Variants in AUTS2 observed in about 807,000 individuals in gnomAD.
AUTS2 encodes activator of transcription and developmental regulator AUTS2.
Under a neutral mutation model 112.4 loss-of-function variants are expected in AUTS2, and 17 were observed. The observed-to-expected ratio is 0.15, with a 90% confidence interval of 0.10 to 0.23. The LOEUF (loss-of-function observed/expected upper bound fraction) is 0.23. Among genes scored for constraint, AUTS2 ranks in the 10% least tolerant of loss-of-function variants. AUTS2 has a pLI of 1.00. For synonymous variants in AUTS2, 751 were observed against 702.7 expected (o/e 1.07, Z -1.09); for missense variants, 1,510 against 1,701.6 (o/e 0.89, Z 1.98).
intron 4 of AUTS2, among the ~76,000 whole-genome samples, chr7:70,283,069 G>A (rs1018503511): frequency 2.0e-5 from 3 of 152,112 alleles, no homozygotes; most frequent in Non-Finnish European, 4.4e-5. Context: ...AGATGGATTT[G>A]GAATCCTGAA....
chr7:69,939,810 T>TA (rs956672700), intron 2 of AUTS2, among the ~76,000 whole-genome samples: 1 of 152,222 alleles, frequency 6.6e-6, no homozygotes, highest in African/African-American at 2.4e-5. Context: ...TGGCATTTTT[T>TA]ACAGCTTCAT....
chr7:70,427,840 A>G (rs1795497174), intron 4 of AUTS2, among the ~76,000 whole-genome samples: 2 of 152,214 alleles, frequency 1.3e-5, no homozygotes, highest in South Asian at 4.1e-4. Context: ...AGAACTTGCA[A>G]AAATGTCAGA....
At chr7:70,682,915 C>T (rs540854859) in intron 5 of AUTS2, among the ~76,000 whole-genome samples, 65 of 152,358 alleles carry the variant, frequency 4.3e-4, no homozygotes, top group African/African-American at 1.5e-3. Context: ...TGTGGTACTG[C>T]TTGGGCATCC....
intron 4 of AUTS2, among the ~76,000 whole-genome samples, chr7:70,235,657 TC>T (rs1562809226): frequency 6.6e-6 from 1 of 151,934 alleles, no homozygotes; most frequent in African/African-American, 2.4e-5. Context: ...TCTTTTCTTT[TC>T]TTTTTTTTTT....
intron 5 of AUTS2, among the ~76,000 whole-genome samples, chr7:70,460,715 T>C (rs1039697098): frequency 1.3e-5 from 2 of 152,172 alleles, no homozygotes; most frequent in Non-Finnish European, 2.9e-5. Context: ...CTGGCACTTA[T>C]CAGCCCTGAG....
chr7:70,243,245 G>GTA (rs1812720839), intron 4 of AUTS2, among the ~76,000 whole-genome samples: 1 of 143,756 alleles, frequency 7.0e-6, no homozygotes, highest in Non-Finnish European at 1.5e-5. Context: ...GTGTGTGTGT[G>GTA]TGTGTGTGTG....
intron 1 of AUTS2, among the ~76,000 whole-genome samples, chr7:69,665,871 T>C (rs1796009057): frequency 6.6e-6 from 1 of 152,200 alleles, no homozygotes; most frequent in South Asian, 2.1e-4. Flanking sequence ...TTCTTCAGGC[T>C]CTCTTGATTT....
chr7:70,485,257 A>G (rs1562984927), intron 5 of AUTS2, among the ~76,000 whole-genome samples: 1 of 152,226 alleles, frequency 6.6e-6, no homozygotes, highest in Non-Finnish European at 1.5e-5. Context: ...ACAAGTGGAT[A>G]AAGAAAATGT....
intron 1 of AUTS2, among the ~76,000 whole-genome samples, chr7:69,628,643 A>C (rs1307484420): frequency 6.6e-6 from 1 of 152,196 alleles, no homozygotes; most frequent in African/African-American, 2.4e-5. Flanking sequence ...AAGGGGAAGC[A>C]GGCGTGTCTT....
intron 5 of AUTS2, among the ~76,000 whole-genome samples, chr7:70,441,158 C>A (rs1425384456): frequency 6.6e-6 from 1 of 152,064 alleles, no homozygotes; most frequent in Non-Finnish European, 1.5e-5. Flanking sequence ...AGAAATGAAT[C>A]CTTCTCCTTT....
intron 4 of AUTS2, among the ~76,000 whole-genome samples, chr7:70,263,654 A>G (rs1313920300): frequency 5.3e-5 from 8 of 152,190 alleles, no homozygotes; most frequent in African/African-American, 1.7e-4. Flanking sequence ...CAAATTTTGC[A>G]TTTAGATTAA....
chr7:69,902,333 C>A (rs1384282418), intron 2 of AUTS2, among the ~76,000 whole-genome samples: 2 of 152,220 alleles, frequency 1.3e-5, no homozygotes, highest in Non-Finnish European at 1.5e-5. Flanking sequence ...ATTACTTTAT[C>A]GCCTGCGTTT....
chr7:69,925,284 C>T (rs1022349076), intron 2 of AUTS2, among the ~76,000 whole-genome samples: 8 of 152,056 alleles, frequency 5.3e-5, no homozygotes, highest in African/African-American at 1.9e-4. Flanking sequence ...TTTCTGCTTA[C>T]TTTAGTTTTA....
intron 4 of AUTS2, among the ~76,000 whole-genome samples, chr7:70,243,783 C>G (rs1193225730): frequency 6.6e-6 from 1 of 152,070 alleles, no homozygotes; most frequent in African/African-American, 2.4e-5. Context: ...AATCTTTTCT[C>G]TATTCATGAC....
chr7:70,454,110 G>A (rs1796637358), intron 5 of AUTS2, among the ~76,000 whole-genome samples: 1 of 152,172 alleles, frequency 6.6e-6, no homozygotes, highest in East Asian at 1.9e-4. Context: ...ATAGTTTGTG[G>A]GTGGTCGAAG....
At chr7:70,304,408 C>G (rs950958770) in intron 4 of AUTS2, among the ~76,000 whole-genome samples, 1 of 152,184 alleles carries the variant, frequency 6.6e-6, no homozygotes, top group South Asian at 2.1e-4. Context: ...CTCAAAGTAT[C>G]CCAGTGGAGC....
rs1016379051 is a variant in AUTS2, at chr7:70,154,351, G to C, written c.660+19780G>C. Among the ~76,000 whole-genome samples, 3 of 152,172 alleles carry C rather than the reference G, an allele frequency of 2.0e-5. No individual in the cohort carries two copies. The East Asian group carries it at 5.8e-4, about 29-fold the overall frequency. ...TTTTTTCCTTTGACTTGTGTGGAAG[G>C]AATTCAGTGAGGGGTTGACCAGATC... On this transcript the variant is annotated intron_variant, in intron 4 of 18. Coordinates refer to ENST00000342771, the MANE Select transcript of AUTS2 (RefSeq NM_015570.4).
intron 4 of AUTS2, chr7:70,293,211 G>A (rs1788786868): frequency 6.6e-6 from 1 of 152,154 alleles, no homozygotes; most frequent in South Asian, 2.1e-4. Context: ...TTTCTTCCCA[G>A]TGCCTTTGTA....
Position 70,517,295 on chromosome 7 carries a change from TG to T in AUTS2, c.690+81516del, listed in dbSNP as rs1410758327. 2.6e-5 allele frequency among the ~76,000 whole-genome samples: 4 copies of T among 152,258 alleles called. No individual in the cohort carries two copies. In the East Asian group the frequency reaches 5.8e-4, roughly 22 times the overall value. ...TCTTAGACAACTGATTGACTTCAAATGGCAACTAGAGAGAAATCAAAATGAG... is the reference window on the plus strand; with the variant it reads ...TCTTAGACAACTGATTGACTTCAAATGCAACTAGAGAGAAATCAAAATGAG... On this transcript the variant is annotated intron_variant, in intron 5 of 18. Transcript: ENST00000342771.
Sources: allele counts gnomAD v4.1 joint callset (sites outside exome capture counted in the v4.1 genomes callset), GRCh38; gene constraint gnomAD v4.1.1; transcripts MANE v1.5; gene names NCBI Gene and HGNC (gene_info 2026-07-23, HGNC 2026-07-21).